Variants in LRRC43 observed in about 807,000 individuals in gnomAD.
LRRC43 encodes the protein leucine rich repeat containing 43, also known as leucine-rich repeat-containing protein 43.
Under a neutral mutation model 64.3 loss-of-function variants are expected in LRRC43, and 62 were observed. The ratio of observed to expected loss-of-function variants is 0.96; its 90% CI spans 0.79 to 1.19. The LOEUF is 1.19. Among genes scored for constraint, LRRC43 ranks in the 50% most tolerant of loss-of-function variants. The pLI is 0.00. For missense variants in LRRC43, 868 were observed against 845.0 expected, an observed-to-expected ratio of 1.03 and a Z score of -0.34; for synonymous variants, 422 against 382.3, an observed-to-expected ratio of 1.10 and a Z score of -1.21.
At chr12:122,199,051 C>G (rs1421143026) in intron 7 of LRRC43, among the ~76,000 whole-genome samples, 1 of 150,762 alleles carries the variant, frequency 6.6e-6, no homozygotes, top group Non-Finnish European at 1.5e-5. Context: ...GATCTCGGCT[C>G]ACTGCAACCT....
chr12:122,174,351 G>A (rs749684931), intron 1 of LRRC43, among the ~76,000 whole-genome samples: 9 of 152,186 alleles, frequency 5.9e-5, no homozygotes, highest in African/African-American at 9.7e-5. Flanking sequence ...TACTGGCCAC[G>A]GCTGAGTGAA....
chr12:122,190,913 G>A (rs1266246198), intron 5 of LRRC43, among the ~76,000 whole-genome samples: 2 of 151,496 alleles, frequency 1.3e-5, no homozygotes, highest in Non-Finnish European at 2.9e-5. Flanking sequence ...AGGCTGCAGT[G>A]AGCTATCATC....
intron 7 of LRRC43, among the ~76,000 whole-genome samples, chr12:122,193,258 G>A (rs1371502008): frequency 6.6e-6 from 1 of 151,874 alleles, no homozygotes; most frequent in Non-Finnish European, 1.5e-5. Context: ...GCAGGCGCCT[G>A]TAGTCCCAGC....
At chr12:122,182,962 C>G, upstream of LRRC43, 1 of 1,020,124 alleles carries the variant, frequency 9.8e-7, no homozygotes, top group Non-Finnish European at 1.3e-6. Flanking sequence ...AGCTGCCGCA[C>G]TTAGAACCAC....
intron 4 of LRRC43, among the ~76,000 whole-genome samples, chr12:122,189,103 T>C (rs1168478823): frequency 1.3e-5 from 2 of 152,060 alleles, no homozygotes; most frequent in African/African-American, 4.8e-5. Flanking sequence ...GGGTGAGCGG[T>C]AGAAAACTTA....
chr12:122,187,539 T>C, intron 3 of LRRC43, 162 bp from the exon 4 acceptor site: 1 of 578,320 alleles, frequency 1.7e-6, no homozygotes, highest in Non-Finnish European at 3.0e-6. Context: ...CAGGAATCTT[T>C]TCTTCCTGGG....
chr12:122,189,586 C>T, intron 4 of LRRC43: 3 of 428,930 alleles, frequency 7.0e-6, no homozygotes, highest in South Asian at 3.3e-5. Context: ...TCTTTGCAGG[C>T]CCCTCCCAGG....
chr12:122,192,925 T>A lies in LRRC43; in HGVS notation c.1270T>A (p.Leu424Met). 1 of 1,614,168 alleles carries A rather than the reference T, an allele frequency of 6.2e-7. No homozygotes were observed. Among genetic ancestry groups the A allele is most frequent in the Non-Finnish European group, 8.5e-7 (1 of 1,180,026 alleles). ...TGTCATCTCGGGGCCTTCGACCATCTTGCAGATGCCGAGGGCCTCTGCAGA... is the reference window on the plus strand; with the variant it reads ...TGTCATCTCGGGGCCTTCGACCATCATGCAGATGCCGAGGGCCTCTGCAGA... The part of the protein sequence containing the change: ...LSVISGPSTI[L>M]QMPRASAEEL... The change falls in exon 7 of 12, where the codon TTG becomes ATG. Residue 424 changes from leucine to methionine, a missense_variant. Physicochemically the swap from Leu to Met is conservative, Grantham distance 15. Coordinates refer to ENST00000339777, the MANE Select transcript of LRRC43 (RefSeq NM_001098519.2).
At chr12:122,176,111 T>C (rs1332140425) in intron 1 of LRRC43, among the ~76,000 whole-genome samples, 1 of 152,164 alleles carries the variant, frequency 6.6e-6, no homozygotes, top group South Asian at 2.1e-4. Flanking sequence ...ATAAATAAGC[T>C]AGAAAGCACT....
At chr12:122,201,165 C>A in intron 10 of LRRC43, 131 bp from the exon 11 acceptor site, 1 of 1,083,730 alleles carries the variant, frequency 9.2e-7, no homozygotes, top group Non-Finnish European at 1.4e-6. Context: ...GCTGGGGCAG[C>A]CACCCTCACC....
intron 1 of LRRC43, chr12:122,172,550 T>C (rs531421236): frequency 1.2e-6 from 2 of 1,614,212 alleles, no homozygotes; most frequent in African/African-American, 2.7e-5. Context: ...TTGTTTCTGG[T>C]GCATCTTGAA....
chr12:122,198,623 CTTTTTTTTT>C (rs1012460173), intron 7 of LRRC43, among the ~76,000 whole-genome samples: 3 of 100,494 alleles, frequency 3.0e-5, no homozygotes, highest in African/African-American at 1.4e-4. Context: ...TGCTTCATTC[CTTTTTTTTT>C]TTTTTTTTTT....
chr12:122,170,697 T>C (rs1268526880), intron 1 of LRRC43, among the ~76,000 whole-genome samples: 1 of 151,756 alleles, frequency 6.6e-6, no homozygotes, highest in Non-Finnish European at 1.5e-5. Flanking sequence ...AAATGAGAAG[T>C]CCAAGACTGA....
chr12:122,198,907 A>G (rs1211947018), intron 7 of LRRC43, among the ~76,000 whole-genome samples: 1 of 151,586 alleles, frequency 6.6e-6, no homozygotes, highest in African/African-American at 2.4e-5. Context: ...TGCTGGGATT[A>G]CAGGCATGAG....
Position 122,200,789 on chromosome 12 carries a change from T to C in LRRC43, c.1664T>C (p.Leu555Pro). 6.2e-7 allele frequency: 1 copy of C among 1,612,858 alleles called. No homozygotes were observed. Among genetic ancestry groups the C allele is most frequent in the South Asian group, 1.1e-5 (1 of 91,064 alleles). Residue 555 changes from leucine (L) to proline (P), a missense_variant, in exon 10 of 12, where the codon CTC becomes CCC. Transcript: ENST00000339777. The surrounding 1 kb of genome is among the most constrained non-coding windows in gnomAD (Gnocchi z 4.6). ...AAGAAGAAAGAGCCGCCCAAGGAGC[T>C]CCGGCAGGACCCCCCCATCCTCCAG... is the stretch of plus-strand genomic sequence containing the variant. ...LKKKKEPPKE[L>P]RQDPPILQVL...
intron 1 of LRRC43, among the ~76,000 whole-genome samples, chr12:122,169,921 C>T (rs1420993141): frequency 6.6e-6 from 1 of 152,032 alleles, no homozygotes; most frequent in Non-Finnish European, 1.5e-5. Context: ...CAAGTGGTAC[C>T]TCAGCCTCCC....
intron 4 of LRRC43, among the ~76,000 whole-genome samples, chr12:122,188,219 GC>G (rs1224292762): frequency 1.3e-5 from 2 of 152,040 alleles, no homozygotes; most frequent in African/African-American, 4.8e-5. Context: ...CCATTCTCCT[GC>G]CTCAGCCTCC....
intron 7 of LRRC43, among the ~76,000 whole-genome samples, chr12:122,195,253 A>ATT (rs796677895): frequency 7.0e-6 from 1 of 143,830 alleles, no homozygotes. Context: ...ACCCCAGAAC[A>ATT]TTTTTTTTTT....
rs1953718558 is a variant in LRRC43, at chr12:122,191,542, A to G, written c.1064A>G (p.Asn355Ser). ...GTGAAAGATGAAGAAGGCGAAATGAATGAGTCCGCGGGCGTCCTGGCCGAG... is the reference window on the plus strand; with the variant it reads ...GTGAAAGATGAAGAAGGCGAAATGAGTGAGTCCGCGGGCGTCCTGGCCGAG... ...DFVKDEEGEMNESAGVLAEIV... is the reference protein window; with the variant it reads ...DFVKDEEGEMSESAGVLAEIV... The change falls in exon 6 of 12, where the codon AAT (asparagine) becomes AGT (serine). Residue 355 changes from asparagine to serine, a missense_variant. Coordinates refer to ENST00000339777, the MANE Select transcript of LRRC43 (RefSeq NM_001098519.2). The G allele has an allele frequency of 1.2e-6, 2 of 1,614,012 alleles. No individual in the cohort carries two copies. Among genetic ancestry groups the G allele is most frequent in the African/African-American group, 1.3e-5 (1 of 74,914 alleles).
Sources: allele counts gnomAD v4.1 joint callset (sites outside exome capture counted in the v4.1 genomes callset), GRCh38; gene constraint gnomAD v4.1.1; non-coding constraint Gnocchi (gnomAD v3.1); transcripts MANE v1.5; gene names NCBI Gene and HGNC (gene_info 2026-07-23, HGNC 2026-07-21).